RGS20: variants seen among roughly 807,000 people sequenced by gnomAD.
RGS20 encodes regulator of G protein signaling 20.
In RGS20, 30 loss-of-function variants were observed where a neutral mutation model predicts 33.6. The ratio of observed to expected loss-of-function variants is 0.89; its 90% confidence interval spans 0.67 to 1.21. The LOEUF is 1.21. Among genes scored for constraint, RGS20 ranks in the 50% most tolerant of loss-of-function variants. RGS20 has a pLI of 0.00. For missense variants in RGS20, 472 were observed against 502.4 expected, an observed-to-expected ratio of 0.94 and a Z score of 0.58; for synonymous variants, 208 against 197.9, an observed-to-expected ratio of 1.05 and a Z score of -0.43.
At chr8:53,912,827 T>C (rs941069864) in intron 2 of RGS20, among the ~76,000 whole-genome samples, 22 of 152,304 alleles carry the variant, frequency 1.4e-4, no homozygotes, top group African/African-American at 5.3e-4. Flanking sequence ...AAAAGTAGGA[T>C]AAAAACTTGA....
chr8:53,945,353 C>T (rs931687855), intron 3 of RGS20: 1 of 152,144 alleles, frequency 6.6e-6, no homozygotes, highest in Admixed American at 6.6e-5. Context: ...AGGAGACAGC[C>T]AGCAAAGATC....
At chr8:53,885,816 T>A (rs1231890722) in intron 2 of RGS20, among the ~76,000 whole-genome samples, 16 of 135,436 alleles carry the variant, frequency 1.2e-4, no homozygotes, top group African/African-American at 3.8e-4. Flanking sequence ...TTTTTTTGAC[T>A]CCAAGAAACC....
At chr8:53,892,984 C>T (rs1812757293) in intron 2 of RGS20, among the ~76,000 whole-genome samples, 3 of 152,092 alleles carry the variant, frequency 2.0e-5, no homozygotes, top group Admixed American at 2.0e-4. Context: ...AAATGACCTC[C>T]TGAAACTGAA....
intron 2 of RGS20, among the ~76,000 whole-genome samples, chr8:53,885,817 C>A (rs976734965): frequency 3.0e-5 from 4 of 131,784 alleles, no homozygotes; most frequent in South Asian, 2.4e-4. Context: ...TTTTTTGACT[C>A]CAAGAAACCT....
intron 1 of RGS20, among the ~76,000 whole-genome samples, chr8:53,873,882 T>G (rs1332557769): frequency 6.6e-6 from 1 of 152,198 alleles, no homozygotes; most frequent in Non-Finnish European, 1.5e-5. Flanking sequence ...TGGATTTTAC[T>G]CTGAAATGAG....
At chr8:53,938,905 C>T (rs1814209082) in intron 2 of RGS20, among the ~76,000 whole-genome samples, 1 of 152,176 alleles carries the variant, frequency 6.6e-6, no homozygotes, top group African/African-American at 2.4e-5. Context: ...ATCCCTGGTA[C>T]GGAAAGACAG....
chr8:53,863,520 T>A (rs1811854656), intron 1 of RGS20, among the ~76,000 whole-genome samples: 1 of 152,132 alleles, frequency 6.6e-6, no homozygotes, highest in Non-Finnish European at 1.5e-5. Context: ...GACTTGAGGC[T>A]CAGTTGTAAC....
At chr8:53,882,643 CAAA>C (rs34390232) in intron 2 of RGS20, among the ~76,000 whole-genome samples, 2 of 103,438 alleles carry the variant, frequency 1.9e-5, no homozygotes, top group Non-Finnish European at 2.2e-5. Flanking sequence ...GACTCCGTCT[CAAA>C]AAAAAAAAAA....
chr8:53,933,501 A>G (rs1383170417), intron 2 of RGS20, among the ~76,000 whole-genome samples: 2 of 152,210 alleles, frequency 1.3e-5, no homozygotes, highest in African/African-American at 4.8e-5. Context: ...AGTGGAAGAA[A>G]GGATATCAGA....
chr8:53,879,898 A>C, intron 2 of RGS20: 1 of 349,880 alleles, frequency 2.9e-6, no homozygotes, highest in East Asian at 4.6e-5. Context: ...CTGCCTTTCA[A>C]ACTCTCAGCG....
chr8:53,861,742 C>T (rs1749828174), intron 1 of RGS20, among the ~76,000 whole-genome samples: 1 of 152,218 alleles, frequency 6.6e-6, no homozygotes, highest in African/African-American at 2.4e-5. Flanking sequence ...TGTTGAAGAA[C>T]AAGTTTGCTG....
intron 2 of RGS20, among the ~76,000 whole-genome samples, chr8:53,904,982 G>A (rs1813126638): frequency 6.6e-6 from 1 of 152,138 alleles, no homozygotes; most frequent in Non-Finnish European, 1.5e-5. Flanking sequence ...TAGTCTTAAA[G>A]CCTTCACTGG....
intron 2 of RGS20, among the ~76,000 whole-genome samples, chr8:53,939,289 G>T (rs931861806): frequency 6.6e-6 from 1 of 152,166 alleles, no homozygotes; most frequent in East Asian, 1.9e-4. Context: ...TTCAGTGCGT[G>T]TGTCTCTGTC....
Position 53,879,425 on chromosome 8 carries a change from GCCGGCCGC to G in RGS20, c.339_346del (p.Ala114LeufsTer101), listed in dbSNP as rs759670802. Reference sequence around the variant, plus strand: ...ACTTCTCCCCCCTGCTTCCCGCCCTGCCGGCCGCCCGGCTCTCGAGGGGGCACGAGGAG... The same window carrying G: ...ACTTCTCCCCCCTGCTTCCCGCCCTGCCGGCTCTCGAGGGGGCACGAGGAG... On this transcript the variant is annotated frameshift_variant, in exon 2 of 6. Coordinates refer to ENST00000297313, the MANE Select transcript of RGS20 (RefSeq NM_170587.4). LOFTEE classifies it high-confidence loss of function. The G allele has an allele frequency of 2.5e-6, 4 of 1,607,248 alleles. No homozygotes were observed. The highest frequency in any genetic ancestry group is 3.4e-6 in the Non-Finnish European group (4 of 1,177,662).
chr8:53,931,619 G>A (rs1252573911), intron 2 of RGS20, among the ~76,000 whole-genome samples: 2 of 152,114 alleles, frequency 1.3e-5, no homozygotes, highest in Non-Finnish European at 2.9e-5. Flanking sequence ...CAAACTGGCT[G>A]AATAGGAACA....
chr8:53,861,726 C>G (rs2129267962), intron 1 of RGS20, among the ~76,000 whole-genome samples: 1 of 152,320 alleles, frequency 6.6e-6, no homozygotes, highest in African/African-American at 2.4e-5. Flanking sequence ...ATTTTACAGA[C>G]AGTTTTGTTG....
chr8:53,882,714 G>A (rs1812428313), intron 2 of RGS20, among the ~76,000 whole-genome samples: 6 of 151,768 alleles, frequency 4.0e-5, no homozygotes, highest in African/African-American at 1.5e-4. Flanking sequence ...CAGTCACCTG[G>A]CTGGGGTTCG....
At chr8:53,918,183 C>T (rs78205485) in intron 2 of RGS20, among the ~76,000 whole-genome samples, 44 of 152,198 alleles carry the variant, frequency 2.9e-4, no homozygotes, top group African/African-American at 1.0e-3. Flanking sequence ...ACCACTAATT[C>T]CTGAATATTT....
chr8:53,894,758 A>C (rs1352586755), intron 2 of RGS20, among the ~76,000 whole-genome samples: 3 of 152,302 alleles, frequency 2.0e-5, no homozygotes, highest in Non-Finnish European at 4.4e-5. Flanking sequence ...TTCCCTATTA[A>C]TAAATGGGAT....
Sources: gnomAD v4.1 joint callset for allele counts (sites outside exome capture counted in the v4.1 genomes callset) on GRCh38, gnomAD v4.1.1 for gene constraint, MANE v1.5 for transcripts, NCBI Gene and HGNC (gene_info 2026-07-23, HGNC 2026-07-21) for gene names.